The following NTN1 variants were observed in gnomAD, a reference collection of about 807,000 sequenced individuals.
NTN1 encodes the protein netrin-1.
NTN1 carries 11 observed loss-of-function variants against 54.2 expected under a neutral mutation model. The ratio of observed to expected loss-of-function variants is 0.20; its 90% CI spans 0.13 to 0.34. The LOEUF is 0.34. Among genes scored for constraint, NTN1 ranks in the 10% least tolerant of loss-of-function variants. NTN1 has a pLI of 1.00. For synonymous variants in NTN1, 371 were observed against 382.0 expected, an observed-to-expected ratio of 0.97 and a Z score of 0.33; for missense variants, 740 against 893.1, an observed-to-expected ratio of 0.83 and a Z score of 2.18.
intron 5 of NTN1, among the ~76,000 whole-genome samples, chr17:9,208,878 C>T (rs1039822764): frequency 6.6e-6 from 1 of 152,228 alleles, no homozygotes; most frequent in Admixed American, 6.5e-5. Flanking sequence ...ACCACACCAA[C>T]CCATTTTCCT....
At chr17:9,210,283 G>C (rs1336994620) in intron 5 of NTN1, among the ~76,000 whole-genome samples, 1 of 152,074 alleles carries the variant, frequency 6.6e-6, no homozygotes, top group African/African-American at 2.4e-5. Flanking sequence ...TTTAGGTCTT[G>C]TTCATGGGCT....
chr17:9,157,638 C>G (rs2092346694), intron 2 of NTN1, among the ~76,000 whole-genome samples: 1 of 152,242 alleles, frequency 6.6e-6, no homozygotes. Context: ...ACATGTGATG[C>G]ATCCTTGGTG....
chr17:9,143,672 G>A (rs548567518), intron 2 of NTN1, among the ~76,000 whole-genome samples: 11 of 152,276 alleles, frequency 7.2e-5, no homozygotes, highest in South Asian at 4.1e-4. Flanking sequence ...GATGGTCTCC[G>A]TTCTGGAAAG....
chr17:9,193,920 T>TAAAAAAAAAAAAAAAAA lies in NTN1; in HGVS notation c.1411+10959_1411+10975dup, dbSNP rs71361871. Among the ~76,000 whole-genome samples, 12 of 44,896 alleles carry TAAAAAAAAAAAAAAAAA rather than the reference T, an allele frequency of 2.7e-4. No homozygotes were observed. The East Asian group carries it at 4.6e-3, about 17-fold the overall frequency. 29.5% of individuals were successfully genotyped at this position (44,896 alleles called of 152,430 possible). On this transcript the variant is annotated intron_variant, in intron 5 of 6. Transcript: ENST00000173229. ...TGGGCGACAAGAGTGAAACTCCGAC[T>TAAAAAAAAAAAAAAAAA]AAAAAAAAAAAAAAAAAAAAAAAAC...
At chr17:9,097,244 A>G (rs1014993034) in intron 2 of NTN1, among the ~76,000 whole-genome samples, 1 of 152,228 alleles carries the variant, frequency 6.6e-6, no homozygotes, top group Non-Finnish European at 1.5e-5. Flanking sequence ...TTTCCCTCCT[A>G]TGCCGACGCT....
intron 2 of NTN1, among the ~76,000 whole-genome samples, chr17:9,051,006 C>T (rs1210255303): frequency 6.6e-6 from 1 of 152,150 alleles, no homozygotes; most frequent in African/African-American, 2.4e-5. Flanking sequence ...CCATCGAAGC[C>T]CCCTGTCCTG....
In NTN1 at chr17:9,022,815, A is replaced by G; in HGVS notation, c.442A>G (p.Ser148Gly). 6.2e-7 allele frequency: 1 copy of G among 1,611,528 alleles called. No homozygotes were observed. Among genetic ancestry groups the G allele is most frequent in the Non-Finnish European group, 8.5e-7 (1 of 1,179,486 alleles). Residue 148 changes from serine to glycine, a missense_variant, in exon 2 of 7, where the codon AGC (serine) becomes GGC (glycine). Transcript: ENST00000173229. ...LGKKFEVTYV[S>G]LQFCSPRPES... ...CAAGAAGTTCGAAGTGACCTACGTG[A>G]GCCTGCAGTTCTGCTCGCCGCGGCC...
chr17:9,082,788 C>G (rs71371883), intron 2 of NTN1, among the ~76,000 whole-genome samples: 10,901 of 150,938 alleles, frequency 0.072, 565 homozygotes, highest in Non-Finnish European at 0.11. Flanking sequence ...ATGGAACCAA[C>G]CAAATCAGAT....
intron 2 of NTN1, among the ~76,000 whole-genome samples, chr17:9,030,170 C>T (rs1021032303): frequency 4.6e-5 from 7 of 152,096 alleles, no homozygotes; most frequent in African/African-American, 1.7e-4. Flanking sequence ...AGACCCTTTT[C>T]TTTTTCTCCC....
Position 9,044,508 on chromosome 17 carries a change from T to C in NTN1, c.1018+21117T>C, listed in dbSNP as rs114351958. On this transcript the variant is annotated intron_variant, in intron 2 of 6. Transcript: ENST00000173229. ...GCCTCAGCCTCCCAAAGTGCAGGCA[T>C]TATAGACATGAGCCACCACACCCCA... 2.2e-3 allele frequency among the ~76,000 whole-genome samples: 331 copies of C among 152,296 alleles called. 3 individuals are homozygous for C. Among genetic ancestry groups the C allele is most frequent in the African/African-American group, 7.6e-3 (314 of 41,562 alleles).
chr17:9,040,256 T>C (rs1212858411), intron 2 of NTN1, among the ~76,000 whole-genome samples: 1 of 152,216 alleles, frequency 6.6e-6, no homozygotes, highest in African/African-American at 2.4e-5. Context: ...AACATCTACA[T>C]TTATTTATGT....
chr17:9,197,765 G>T (rs1904677311), intron 5 of NTN1, among the ~76,000 whole-genome samples: 1 of 80,674 alleles, frequency 1.2e-5, no homozygotes, highest in African/African-American at 3.2e-5. Flanking sequence ...GCTGGGCTAG[G>T]CATCTACCAG....
chr17:9,227,255 T>A (rs1445212015), intron 6 of NTN1, among the ~76,000 whole-genome samples: 2 of 142,356 alleles, frequency 1.4e-5, no homozygotes, highest in Admixed American at 7.0e-5. Flanking sequence ...CACACACACT[T>A]TATCACACAG....
At chr17:9,163,683 CTGTT>C (rs2092365870) in intron 3 of NTN1, among the ~76,000 whole-genome samples, 4 of 152,156 alleles carry the variant, frequency 2.6e-5, no homozygotes, top group South Asian at 2.1e-4. Context: ...TAACTTTCTG[CTGTT>C]TGTTTTTCTC....
At chr17:9,193,938 A>AAACAAAAC (rs1555575006) in intron 5 of NTN1, among the ~76,000 whole-genome samples, 1 of 108,306 alleles carries the variant, frequency 9.2e-6, no homozygotes, top group Non-Finnish European at 1.9e-5. Flanking sequence ...AAAAAAAAAA[A>AAACAAAAC]AAAAAACATT....
intron 2 of NTN1, among the ~76,000 whole-genome samples, chr17:9,074,481 CT>C (rs1241736732): frequency 6.6e-6 from 1 of 152,206 alleles, no homozygotes; most frequent in African/African-American, 2.4e-5. Flanking sequence ...GGAAAAACAA[CT>C]CCAAGTTCAT....
intron 3 of NTN1, among the ~76,000 whole-genome samples, chr17:9,164,576 C>T (rs1472641878): frequency 1.3e-5 from 2 of 152,178 alleles, no homozygotes; most frequent in Non-Finnish European, 2.9e-5. Flanking sequence ...GCCCATGAAT[C>T]CAACCCAGCC....
chr17:9,170,581 G>A (rs1314282271), intron 3 of NTN1, among the ~76,000 whole-genome samples: 1 of 152,176 alleles, frequency 6.6e-6, no homozygotes, highest in Non-Finnish European at 1.5e-5. Context: ...TGCTTTGGGA[G>A]CAAAGATGAC....
chr17:9,080,400 A>G (rs1163854001), intron 2 of NTN1, among the ~76,000 whole-genome samples: 2 of 152,236 alleles, frequency 1.3e-5, no homozygotes, highest in Non-Finnish European at 2.9e-5. Context: ...TAAGAGGTGG[A>G]TGGTTCCAGT....
Sources: allele counts gnomAD v4.1 joint callset (sites outside exome capture counted in the v4.1 genomes callset), GRCh38; gene constraint gnomAD v4.1.1; transcripts MANE v1.5; gene names NCBI Gene and HGNC (gene_info 2026-07-23, HGNC 2026-07-21).